Variants in VRK2 observed in about 807,000 individuals in gnomAD.
VRK2 encodes serine/threonine-protein kinase VRK2.
VRK2 carries 60 observed loss-of-function variants against 57.6 expected under a neutral mutation model. The observed-to-expected ratio is 1.04, with a 90% CI of 0.85 to 1.29. The LOEUF is 1.29. Ranked by LOEUF, VRK2 falls within the 50% of genes most tolerant of loss-of-function variation. The pLI, the probability that VRK2 is intolerant of heterozygous loss-of-function variation, is 0.00. For synonymous variants in VRK2, 231 were observed against 199.2 expected (o/e 1.16, Z -1.35); for missense variants, 705 against 588.1 (o/e 1.20, Z -2.06).
chr2:57,986,306 T>C (rs1266033240), intron 1 of VRK2, among the ~76,000 whole-genome samples: 1 of 152,148 alleles, frequency 6.6e-6, no homozygotes, highest in Non-Finnish European at 1.5e-5. Flanking sequence ...TCAATATTCT[T>C]TAAATGTCAG....
intron 12 of VRK2, chr2:58,147,018 T>C (rs370771916): frequency 6.1e-5 from 22 of 358,212 alleles, no homozygotes; most frequent in Middle Eastern, 4.5e-4. Context: ...TGAAAAAATA[T>C]TTAATTTTGT....
chr2:57,944,474 C>T (rs1365061210), intron 1 of VRK2, among the ~76,000 whole-genome samples: 1 of 152,322 alleles, frequency 6.6e-6, no homozygotes, highest in East Asian at 1.9e-4. Flanking sequence ...CGGTGGCTCA[C>T]GCCTGTAATC....
chr2:58,137,202 C>CATATATGATACATATA (rs1680549626), intron 10 of VRK2, among the ~76,000 whole-genome samples: 30 of 27,342 alleles, frequency 1.1e-3, no homozygotes, highest in East Asian at 2.2e-3. Flanking sequence ...ACATATATAT[C>CATATATGATACATATA]TCATATATGA....
chr2:58,059,645 TA>T (rs1379008780), intron 2 of VRK2, among the ~76,000 whole-genome samples: 1 of 151,822 alleles, frequency 6.6e-6, no homozygotes, highest in Non-Finnish European at 1.5e-5. Context: ...AAATTATTTT[TA>T]AATAACTAAA....
chr2:57,948,030 G>A (rs1671313924), intron 1 of VRK2, among the ~76,000 whole-genome samples: 1 of 152,104 alleles, frequency 6.6e-6, no homozygotes, highest in Non-Finnish European at 1.5e-5. Context: ...TAATTCTAGT[G>A]TCCAAAGCCA....
At chr2:58,136,532 G>T (rs973040922) in intron 10 of VRK2, among the ~76,000 whole-genome samples, 1 of 151,642 alleles carries the variant, frequency 6.6e-6, no homozygotes. Flanking sequence ...CTACAGACAC[G>T]TGCCACGATG....
chr2:58,132,766 G>C (rs2104546935), intron 9 of VRK2, among the ~76,000 whole-genome samples: 1 of 152,274 alleles, frequency 6.6e-6, no homozygotes, highest in East Asian at 1.9e-4. Flanking sequence ...TGTGGCATCA[G>C]TTCTTAATAC....
chr2:58,115,112 G>A (rs1022568006), intron 7 of VRK2, among the ~76,000 whole-genome samples: 22 of 152,046 alleles, frequency 1.4e-4, no homozygotes, highest in African/African-American at 4.8e-4. Context: ...CTAGTGGCTC[G>A]TACTATAGCA....
chr2:58,043,401 T>C (rs1346598077), upstream of VRK2, among the ~76,000 whole-genome samples: 1 of 152,196 alleles, frequency 6.6e-6, no homozygotes, highest in African/African-American at 2.4e-5. Flanking sequence ...TAATAATGTA[T>C]CTATTACCAC....
At chr2:58,067,920 C>CT (rs1398431979) in intron 2 of VRK2, among the ~76,000 whole-genome samples, 2 of 148,610 alleles carry the variant, frequency 1.3e-5, no homozygotes, top group Admixed American at 1.3e-4. Flanking sequence ...TCTTTTCTTT[C>CT]TTTTTTGTTT....
Position 58,089,568 on chromosome 2 carries a change from T to C in VRK2, c.451-63T>C, listed in dbSNP as rs1381672855. ...AACCCATGTTATTCTATATTCAAAA[T>C]GTTGAAATTGATCATGAGTTCTAAA... On this transcript the variant is annotated intron_variant, in intron 6 of 12. Transcript: ENST00000340157. 4 of 1,013,106 alleles carry C rather than the reference T, an allele frequency of 3.9e-6. No homozygotes were observed. The Admixed American group carries it at 1.0e-4, about 26-fold the overall frequency. 62.8% of individuals were successfully genotyped at this position (1,013,106 alleles called of 1,614,324 possible).
At chr2:57,972,751 T>C (rs1182371616) in intron 1 of VRK2, among the ~76,000 whole-genome samples, 1 of 151,916 alleles carries the variant, frequency 6.6e-6, no homozygotes, top group Non-Finnish European at 1.5e-5. Context: ...TTATGTTCTT[T>C]ATTTCTTCTT....
chr2:57,954,049 G>A (rs933809963), intron 1 of VRK2, among the ~76,000 whole-genome samples: 3 of 152,042 alleles, frequency 2.0e-5, no homozygotes, highest in African/African-American at 7.2e-5. Flanking sequence ...ACTTGTTTCA[G>A]TGTTTAGAAC....
chr2:58,078,420 T>C (rs1179746263), intron 2 of VRK2, among the ~76,000 whole-genome samples: 1 of 152,136 alleles, frequency 6.6e-6, no homozygotes, highest in Non-Finnish European at 1.5e-5. Flanking sequence ...TTGGGTTGCT[T>C]CTACTTTTGG....
At chr2:58,144,468 A>G (rs1230576124) in intron 11 of VRK2, among the ~76,000 whole-genome samples, 1 of 152,030 alleles carries the variant, frequency 6.6e-6, no homozygotes, top group Non-Finnish European at 1.5e-5. Context: ...TTTGCAATGT[A>G]TACATGTATC....
chr2:58,053,014 T>A (rs1185084667), intron 2 of VRK2, among the ~76,000 whole-genome samples: 1 of 152,214 alleles, frequency 6.6e-6, no homozygotes, highest in Non-Finnish European at 1.5e-5. Context: ...CCATTTAGCA[T>A]CTTTGGAGTG....
intron 1 of VRK2, among the ~76,000 whole-genome samples, chr2:57,981,767 G>A (rs913273407): frequency 6.6e-6 from 1 of 152,028 alleles, no homozygotes; most frequent in African/African-American, 2.4e-5. Context: ...TTTCAAAATG[G>A]CTATGTAATC....
At chr2:57,924,377 TTG>T in intron 1 of VRK2, among the ~76,000 whole-genome samples, 1 of 152,208 alleles carries the variant, frequency 6.6e-6, no homozygotes, top group Admixed American at 6.6e-5. Flanking sequence ...TTCCATTTTT[TTG>T]TGTGTCTTCA....
At chr2:58,119,494 A>AAAAG (rs1553414108) in intron 7 of VRK2, among the ~76,000 whole-genome samples, 4 of 150,214 alleles carry the variant, frequency 2.7e-5, no homozygotes, top group Non-Finnish European at 5.9e-5. Flanking sequence ...AAAAAAAAAA[A>AAAAG]GCTTTTAGCA....
Sources: allele counts gnomAD v4.1 joint callset (sites outside exome capture counted in the v4.1 genomes callset), GRCh38; gene constraint gnomAD v4.1.1; transcripts MANE v1.5; gene names NCBI Gene and HGNC (gene_info 2026-07-23, HGNC 2026-07-21).